RAP1GAP2: variants seen among roughly 807,000 people sequenced by gnomAD.
RAP1GAP2 encodes RAP1 GTPase activating protein 2.
Under a neutral mutation model 95.0 loss-of-function variants are expected in RAP1GAP2, and 27 were observed. The ratio of observed to expected loss-of-function variants is 0.28; its 90% CI spans 0.21 to 0.39. The LOEUF is 0.39. Among genes scored for constraint, RAP1GAP2 ranks in the 10% least tolerant of loss-of-function variants. The pLI is 1.00. For synonymous variants in RAP1GAP2, 373 were observed against 380.9 expected, an observed-to-expected ratio of 0.98 and a Z score of 0.24; for missense variants, 771 against 970.0, an observed-to-expected ratio of 0.79 and a Z score of 2.72.
chr17:2,877,030 A>C (rs955400899), intron 2 of RAP1GAP2, among the ~76,000 whole-genome samples: 4 of 151,822 alleles, frequency 2.6e-5, no homozygotes, highest in African/African-American at 9.7e-5. Flanking sequence ...CTGGGACTAC[A>C]GGCATGCGCT....
chr17:2,905,185 C>T (rs958494089), intron 2 of RAP1GAP2, 99 bp from the exon 3 acceptor site: 3 of 1,128,760 alleles, frequency 2.7e-6, no homozygotes, highest in Non-Finnish European at 3.8e-6. Context: ...ACCCAGCCTG[C>T]ATTGTATGTT....
At chr17:2,860,391 G>T (rs983942729) in intron 2 of RAP1GAP2, among the ~76,000 whole-genome samples, 2 of 152,026 alleles carry the variant, frequency 1.3e-5, no homozygotes, top group African/African-American at 2.4e-5. Context: ...TAGACCATTC[G>T]AGTTGAAGGG....
chr17:2,986,011 A>AG (rs1481029969), intron 11 of RAP1GAP2, among the ~76,000 whole-genome samples: 1 of 152,136 alleles, frequency 6.6e-6, no homozygotes, highest in African/African-American at 2.4e-5. Flanking sequence ...ATCATCTAAG[A>AG]GCCTAGCATA....
At chr17:2,922,103 C>T (rs2042799671) in intron 3 of RAP1GAP2, among the ~76,000 whole-genome samples, 1 of 152,218 alleles carries the variant, frequency 6.6e-6, no homozygotes, top group Non-Finnish European at 1.5e-5. Flanking sequence ...TCTCACCATT[C>T]TGGAGGCTGG....
At chr17:2,956,092 C>G (rs2044093512) in intron 3 of RAP1GAP2, among the ~76,000 whole-genome samples, 1 of 152,234 alleles carries the variant, frequency 6.6e-6, no homozygotes, top group Non-Finnish European at 1.5e-5. Flanking sequence ...TTGGTATAAG[C>G]TCTTTACGTC....
chr17:2,895,600 G>A (rs925095063), intron 2 of RAP1GAP2, among the ~76,000 whole-genome samples: 2 of 150,348 alleles, frequency 1.3e-5, no homozygotes, highest in Non-Finnish European at 3.0e-5. Flanking sequence ...TTTTTGAGAC[G>A]GGGTCTTGCT....
chr17:2,783,078 C>G (rs974759865), intron 1 of RAP1GAP2, among the ~76,000 whole-genome samples: 3 of 152,284 alleles, frequency 2.0e-5, no homozygotes, highest in Middle Eastern at 6.8e-3. Flanking sequence ...GAAGTAGAGG[C>G]TCAGAGAGCC....
At chr17:2,864,999 C>T (rs989984797) in intron 2 of RAP1GAP2, among the ~76,000 whole-genome samples, 1 of 152,202 alleles carries the variant, frequency 6.6e-6, no homozygotes, top group African/African-American at 2.4e-5. Context: ...CTGCATGACA[C>T]TGATGATCAT....
At chr17:2,863,250 G>A (rs148761526) in intron 2 of RAP1GAP2, among the ~76,000 whole-genome samples, 14 of 152,292 alleles carry the variant, frequency 9.2e-5, no homozygotes, top group Middle Eastern at 6.8e-3. Context: ...AGGCAGACTA[G>A]TGGGAACCTG....
chr17:2,962,657 C>A lies in RAP1GAP2; in HGVS notation c.202-13C>A, dbSNP rs749733621. ...TTGCTTTTCTGTGGATCCTGTTTTC[C>A]TTGTTTCTATAGGGGATCAAGCTTG... On this transcript the variant is annotated splice_polypyrimidine_tract_variant and intron_variant, in intron 4 of 24. Coordinates refer to ENST00000254695, the MANE Select transcript of RAP1GAP2 (RefSeq NM_015085.5). 3.2e-6 allele frequency: 5 copies of A among 1,579,596 alleles called. No homozygotes were observed. In the African/African-American group the frequency reaches 6.7e-5, roughly 21 times the overall value.
intron 3 of RAP1GAP2, among the ~76,000 whole-genome samples, chr17:2,932,605 G>C (rs922872513): frequency 1.1e-5 from 1 of 94,686 alleles, no homozygotes; most frequent in African/African-American, 4.2e-5. Context: ...AAAAAAAAAA[G>C]AGGAGCTCGA....
intron 2 of RAP1GAP2, among the ~76,000 whole-genome samples, chr17:2,884,437 G>A (rs1349889528): frequency 2.7e-5 from 4 of 148,698 alleles, no homozygotes; most frequent in Middle Eastern, 7.0e-3. Context: ...CAGTGGTGCA[G>A]TCTCGGCTCA....
chr17:2,877,972 G>T (rs1205384087), intron 2 of RAP1GAP2, among the ~76,000 whole-genome samples: 1 of 152,094 alleles, frequency 6.6e-6, no homozygotes, highest in Non-Finnish European at 1.5e-5. Flanking sequence ...GGTGGAGGGG[G>T]ATTGGGGTGC....
intron 17 of RAP1GAP2, 131 bp from the exon 18 acceptor site, chr17:3,017,916 CGTGTGTGTGTGTGT>C (rs56791699): frequency 2.1e-5 from 12 of 562,128 alleles, no homozygotes; most frequent in African/African-American, 4.2e-5. Context: ...CCTCTGTGAC[CGTGTGTGTGTGTGT>C]GTGTGTGTGT....
intron 17 of RAP1GAP2, among the ~76,000 whole-genome samples, chr17:3,009,993 T>C (rs2046465041): frequency 6.6e-6 from 1 of 152,086 alleles, no homozygotes; most frequent in Admixed American, 6.6e-5. Context: ...CCACACTCCA[T>C]AGCCCACGTA....
At chr17:2,944,449 A>C (rs2043633178) in intron 3 of RAP1GAP2, among the ~76,000 whole-genome samples, 1 of 152,140 alleles carries the variant, frequency 6.6e-6, no homozygotes, top group South Asian at 2.1e-4. Flanking sequence ...TTGGCCATAG[A>C]TGTGTGGGTT....
At chr17:3,032,581 C>T in intron 24 of RAP1GAP2, 132 bp downstream of exon 24, 2 of 873,354 alleles carry the variant, frequency 2.3e-6, no homozygotes, top group Non-Finnish European at 3.7e-6. Flanking sequence ...AAAGAGTCTC[C>T]TACTCGCCCC....
At chr17:2,991,636 C>T (rs2045756884) in intron 12 of RAP1GAP2, among the ~76,000 whole-genome samples, 1 of 152,358 alleles carries the variant, frequency 6.6e-6, no homozygotes, top group South Asian at 2.1e-4. Flanking sequence ...CCCAGATGTG[C>T]CTTCCTACTT....
chr17:2,957,665 G>A, intron 3 of RAP1GAP2, 94 bp from the exon 4 acceptor site: 1 of 1,377,992 alleles, frequency 7.3e-7, no homozygotes, highest in Non-Finnish European at 1.0e-6. Flanking sequence ...GGAAGCCCCA[G>A]GCTCAGCTTC....
Sources: allele counts gnomAD v4.1 joint callset (sites outside exome capture counted in the v4.1 genomes callset), GRCh38; gene constraint gnomAD v4.1.1; transcripts MANE v1.5; gene names NCBI Gene and HGNC (gene_info 2026-07-23, HGNC 2026-07-21).